Variants in PHF20L1 observed in about 807,000 individuals in gnomAD.
PHF20L1 encodes the protein PHD finger protein 20 like 1, also known as PHD finger protein 20-like protein 1.
In PHF20L1, 44 loss-of-function variants were observed where a neutral mutation model predicts 125.5. The ratio of observed to expected loss-of-function variants is 0.35; its 90% confidence interval spans 0.28 to 0.45. The LOEUF is 0.45. Ranked by LOEUF, PHF20L1 falls within the 20% of genes least tolerant of loss-of-function variation. PHF20L1 has a pLI of 1.00. For missense variants in PHF20L1, 1,012 were observed against 1,217.2 expected, an observed-to-expected ratio of 0.83 and a Z score of 2.51; for synonymous variants, 380 against 403.1, an observed-to-expected ratio of 0.94 and a Z score of 0.69.
At chr8:132,823,471 A>G (rs1323088053) in intron 12 of PHF20L1, among the ~76,000 whole-genome samples, 1 of 152,038 alleles carries the variant, frequency 6.6e-6, no homozygotes, top group Non-Finnish European at 1.5e-5. Flanking sequence ...CTGTGGTGCT[A>G]GAGTAGACCT....
In PHF20L1 at chr8:132,839,165, C is replaced by T; in HGVS notation, c.2192-222C>T. Reference sequence around the variant, plus strand: ...CTTTGCAAGTGTCATCTGCCACTGACCATGTCCTTAATGGTGTTTCTTCTC... The same window carrying T: ...CTTTGCAAGTGTCATCTGCCACTGATCATGTCCTTAATGGTGTTTCTTCTC... On this transcript the variant is annotated intron_variant, in intron 17 of 20. Coordinates refer to ENST00000395386, the MANE Select transcript of PHF20L1 (RefSeq NM_016018.5). 3 of 505,678 alleles carry T rather than the reference C, an allele frequency of 5.9e-6. No individual in the cohort carries two copies. The South Asian group carries it at 8.5e-5, about 14-fold the overall frequency. 31.3% of individuals were successfully genotyped at this position (505,678 alleles called of 1,614,324 possible). A position where few individuals can be genotyped will look rare whatever the true frequency, so the allele number is the denominator to read the frequency against.
intron 9 of PHF20L1, chr8:132,812,304 T>A (rs917827495): frequency 2.0e-6 from 2 of 984,962 alleles, no homozygotes; most frequent in Non-Finnish European, 2.4e-6. Context: ...ATAAAATGTT[T>A]CTGGAAAATT....
At chr8:132,804,077 C>A in intron 7 of PHF20L1, 45 bp downstream of exon 7, 1 of 1,272,914 alleles carries the variant, frequency 7.9e-7, no homozygotes, top group Non-Finnish European at 1.1e-6. Context: ...CACTGGTAAA[C>A]TCATGTAGTA....
chr8:132,830,177 G>T (rs931738057), intron 14 of PHF20L1, among the ~76,000 whole-genome samples: 1 of 151,968 alleles, frequency 6.6e-6, no homozygotes, highest in Admixed American at 6.6e-5. Flanking sequence ...CTTCTGCATT[G>T]CTTGGCTCTT....
intron 9 of PHF20L1, chr8:132,812,340 G>T: frequency 1.0e-6 from 1 of 984,130 alleles, no homozygotes; most frequent in Non-Finnish European, 1.2e-6. Flanking sequence ...CTTTGATTAT[G>T]CACAATCCTG....
rs1179139715 is a variant in PHF20L1, at chr8:132,836,575, A to G, written c.1945A>G (p.Thr649Ala). 2 of 1,612,018 alleles carry G rather than the reference A, an allele frequency of 1.2e-6. No individual in the cohort carries two copies. The highest frequency in any genetic ancestry group is 1.3e-5 in the African/African-American group (1 of 74,858). The change falls in exon 16 of 21, where the codon ACG becomes GCG. Residue 649 changes from threonine to alanine, a missense_variant. Thr to Ala is a moderately conservative substitution (Grantham distance 58, BLOSUM62 0). Around this residue, in one of 7 missense-constraint regions of PHF20L1, gnomAD observed 320 missense variants for 293.8 expected, o/e 1.09. Coordinates refer to ENST00000395386, the MANE Select transcript of PHF20L1 (RefSeq NM_016018.5). ...TGTAGACTTCCTAGATGATTCTTCA[A>G]CGGAGAGTTTGCTTCTGAGTGGGGA... ...SDVDFLDDSSTESLLLSGDEY... is the reference protein window; with the variant it reads ...SDVDFLDDSSAESLLLSGDEY...
At chr8:132,795,230 A>C (rs1294354696) in intron 4 of PHF20L1, among the ~76,000 whole-genome samples, 1 of 152,134 alleles carries the variant, frequency 6.6e-6, no homozygotes, top group African/African-American at 2.4e-5. Context: ...TTTTCTGAGG[A>C]AAGAGTATGG....
chr8:132,795,659 TAC>T (rs1832299601), intron 4 of PHF20L1, among the ~76,000 whole-genome samples: 1 of 152,096 alleles, frequency 6.6e-6, no homozygotes, highest in Non-Finnish European at 1.5e-5. Context: ...CTTGACCACT[TAC>T]GGTAGTCCTT....
chr8:132,843,137 A>G (rs1347853769), intron 19 of PHF20L1: 1 of 1,123,510 alleles, frequency 8.9e-7, no homozygotes, highest in African/African-American at 1.6e-5. Flanking sequence ...GTACATTTCG[A>G]TGCTTCTAAA....
chr8:132,787,308 A>G (rs1053102213), intron 2 of PHF20L1, among the ~76,000 whole-genome samples: 8 of 152,000 alleles, frequency 5.3e-5, no homozygotes, highest in Non-Finnish European at 8.8e-5. Flanking sequence ...CAGTGATCTG[A>G]AGTGATACAT....
rs551984363 is a variant in PHF20L1, at chr8:132,835,703, G to A, written c.1910-837G>A. On this transcript the variant is annotated intron_variant, in intron 15 of 20. Coordinates refer to ENST00000395386, the MANE Select transcript of PHF20L1 (RefSeq NM_016018.5). ...TTTAAAAATCCCTTGGGGAACTCAC[G>A]GTTCCGGTTTTAAGAAATACTGGTA... is the stretch of plus-strand genomic sequence containing the variant. Among the ~76,000 whole-genome samples the A allele has an allele frequency of 4.6e-5, 7 of 152,152 alleles. No individual in the cohort carries two copies. The East Asian group carries it at 5.8e-4, about 13-fold the overall frequency.
chr8:132,803,383 A>G (rs947735773), intron 6 of PHF20L1, among the ~76,000 whole-genome samples: 2 of 151,910 alleles, frequency 1.3e-5, no homozygotes, highest in African/African-American at 2.4e-5. Context: ...GTAGGTGGGA[A>G]TACACTATTT....
intron 17 of PHF20L1, chr8:132,838,216 T>C (rs952134782): frequency 5.7e-6 from 1 of 174,902 alleles, no homozygotes; most frequent in African/African-American, 2.4e-5. Flanking sequence ...ATTACTATCC[T>C]ACTGGAAGGG....
chr8:132,780,929 C>G (rs1323097135), intron 2 of PHF20L1, among the ~76,000 whole-genome samples: 1 of 150,072 alleles, frequency 6.7e-6, no homozygotes, highest in Non-Finnish European at 1.5e-5. Context: ...ACTAAAACCT[C>G]TACCTCCTGG....
intron 12 of PHF20L1, among the ~76,000 whole-genome samples, chr8:132,822,274 G>A (rs1204235036): frequency 6.6e-6 from 1 of 151,858 alleles, no homozygotes; most frequent in Non-Finnish European, 1.5e-5. Flanking sequence ...TGGTGCAGTC[G>A]TTCATAACTG....
At chr8:132,813,975 CTT>C (rs916879581) in intron 9 of PHF20L1, among the ~76,000 whole-genome samples, 61 of 150,706 alleles carry the variant, frequency 4.0e-4, no homozygotes, top group African/African-American at 1.5e-3. Flanking sequence ...CACTTTATCT[CTT>C]TGGTTTTTTT....
intron 2 of PHF20L1, among the ~76,000 whole-genome samples, chr8:132,784,973 T>C (rs1034892310): frequency 6.6e-6 from 1 of 152,166 alleles, no homozygotes; most frequent in South Asian, 2.1e-4. Context: ...CCTCCTAAAT[T>C]TACTTCATAA....
At chr8:132,800,311 T>C (rs1277625981) in intron 6 of PHF20L1, among the ~76,000 whole-genome samples, 1 of 151,750 alleles carries the variant, frequency 6.6e-6, no homozygotes, top group African/African-American at 2.4e-5. Context: ...ACTGAAATAA[T>C]ATTTGGGTAG....
intron 20 of PHF20L1, among the ~76,000 whole-genome samples, chr8:132,844,631 G>A (rs964351765): frequency 6.6e-6 from 1 of 151,982 alleles, no homozygotes; most frequent in African/African-American, 2.4e-5. Flanking sequence ...AGCTTTCTTT[G>A]GAAGTCAACA....
Sources: allele counts gnomAD v4.1 joint callset (sites outside exome capture counted in the v4.1 genomes callset), GRCh38; gene constraint gnomAD v4.1.1; regional missense constraint gnomAD v4.1.1; transcripts MANE v1.5; gene names NCBI Gene and HGNC (gene_info 2026-07-23, HGNC 2026-07-21).